The following LHPP variants were observed in gnomAD, a reference collection of about 807,000 sequenced individuals.
LHPP encodes phospholysine phosphohistidine inorganic pyrophosphate phosphatase, also known as hLHPP.
A neutral mutation model predicts 30.3 loss-of-function variants in LHPP; 24 were observed. That is an observed-to-expected ratio of 0.79 (90% confidence interval 0.57 to 1.11). LHPP has a LOEUF of 1.11. Among genes scored for constraint, LHPP ranks in the 50% most tolerant of loss-of-function variants. LHPP has a pLI of 0.00. For synonymous variants in LHPP, 150 were observed against 157.1 expected, an observed-to-expected ratio of 0.95 and a Z score of 0.34; for missense variants, 356 against 367.2, an observed-to-expected ratio of 0.97 and a Z score of 0.25.
intron 5 of LHPP, among the ~76,000 whole-genome samples, chr10:124,499,745 G>A (rs907878206): frequency 6.6e-6 from 1 of 151,956 alleles, no homozygotes; most frequent in African/African-American, 2.4e-5. Context: ...TGGGTTGGGG[G>A]TCCCTCAGGT....
intron 1 of LHPP, among the ~76,000 whole-genome samples, chr10:124,481,360 G>A (rs894241927): frequency 1.4e-5 from 2 of 145,364 alleles, no homozygotes; most frequent in Non-Finnish European, 3.0e-5. Flanking sequence ...ATCGTGCCTG[G>A]CTTATCTGCC....
At chr10:124,562,073 GAGGTC>G (rs1948404779) in intron 6 of LHPP, among the ~76,000 whole-genome samples, 1 of 152,204 alleles carries the variant, frequency 6.6e-6, no homozygotes, top group Admixed American at 6.5e-5. Flanking sequence ...TTGGGAGGCT[GAGGTC>G]GGTGGATCAC....
In LHPP at chr10:124,530,400, G is replaced by C. The variant is rs1320418196; in HGVS notation, c.716+13129G>C. On this transcript the variant is annotated intron_variant, in intron 6 of 6. Transcript: ENST00000368842. Reference sequence around the variant, plus strand: ...TACATACACTCACCCGGGCCCACGTGTGCTCACGAGGGGCCCCCATACCCA... The same window carrying C: ...TACATACACTCACCCGGGCCCACGTCTGCTCACGAGGGGCCCCCATACCCA... Among the ~76,000 whole-genome samples the C allele has an allele frequency of 2.0e-5, 3 of 152,098 alleles. 1 individual carries two copies. The highest frequency in any genetic ancestry group is 7.2e-5 in the African/African-American group (3 of 41,400).
chr10:124,509,636 C>T (rs141429991), intron 5 of LHPP, among the ~76,000 whole-genome samples: 6 of 151,608 alleles, frequency 4.0e-5, no homozygotes, highest in African/African-American at 1.2e-4. Context: ...ACCACAGTGG[C>T]AATTACTCAG....
At chr10:124,608,274 C>G (rs943104259) in intron 6 of LHPP, among the ~76,000 whole-genome samples, 6 of 152,218 alleles carry the variant, frequency 3.9e-5, no homozygotes, top group Non-Finnish European at 7.4e-5. Context: ...GTCTGCCTGT[C>G]TGCCCCCCAC....
chr10:124,533,790 C>G (rs1182105391), intron 6 of LHPP, among the ~76,000 whole-genome samples: 5 of 152,238 alleles, frequency 3.3e-5, no homozygotes, highest in Non-Finnish European at 5.9e-5. Flanking sequence ...GACCATGTGG[C>G]CTGAAGGGTC....
At chr10:124,536,992 A>G (rs1260333497) in intron 6 of LHPP, among the ~76,000 whole-genome samples, 1 of 152,222 alleles carries the variant, frequency 6.6e-6, no homozygotes, top group African/African-American at 2.4e-5. Context: ...TGTAATATAT[A>G]AATAATAAAA....
intron 3 of LHPP, chr10:124,489,899 T>C: frequency 5.2e-6 from 1 of 191,794 alleles, no homozygotes; most frequent in South Asian, 8.1e-5. Flanking sequence ...ATTCCCAGCC[T>C]CAGCTTTCTC....
At chr10:124,513,804 G>A (rs945630108) in intron 5 of LHPP, among the ~76,000 whole-genome samples, 2 of 145,484 alleles carry the variant, frequency 1.4e-5, no homozygotes, top group Non-Finnish European at 3.0e-5. Context: ...AAAAAAAAAA[G>A]AGCATGAGTC....
chr10:124,539,045 G>A (rs1009913854), intron 6 of LHPP, among the ~76,000 whole-genome samples: 1 of 152,208 alleles, frequency 6.6e-6, no homozygotes, highest in African/African-American at 2.4e-5. Flanking sequence ...GCTTCTTCTA[G>A]CAGAGAGTGG....
intron 6 of LHPP, chr10:124,526,134 C>G: frequency 1.0e-6 from 1 of 974,412 alleles, no homozygotes; most frequent in African/African-American, 1.7e-5. Context: ...TCAGCAGGGC[C>G]CTCTCTTCTC....
rs142666958 is a variant in LHPP at position 124,498,057 on chromosome 10, G to A, written c.553G>A (p.Glu185Lys). 4.2e-5 allele frequency: 68 copies of A among 1,613,986 alleles called. No homozygotes were observed. Among genetic ancestry groups the A allele is most frequent in the Non-Finnish European group, 5.0e-5 (59 of 1,179,986 alleles). ...ALEYACGIKA[E>K]VVGKPSPEFF... Reference sequence around the variant, plus strand: ...CCAGTATGCCTGTGGCATCAAAGCCGAGGTGGTGGGGAAGCCTTCTCCTGA... The same window carrying A: ...CCAGTATGCCTGTGGCATCAAAGCCAAGGTGGTGGGGAAGCCTTCTCCTGA... The change falls in exon 5 of 7, where the codon GAG becomes AAG. Residue 185 changes from glutamate (E) to lysine (K), a missense_variant. By Grantham distance (56) the Glu-to-Lys change is moderately conservative. Transcript: ENST00000368842.
At chr10:124,546,992 C>T (rs938889348) in intron 6 of LHPP, among the ~76,000 whole-genome samples, 9 of 151,650 alleles carry the variant, frequency 5.9e-5, no homozygotes, top group Non-Finnish European at 1.2e-4. Context: ...CCAGATTTAG[C>T]TCTGTTAACC....
At chr10:124,504,628 G>A (rs1023534697) in intron 5 of LHPP, among the ~76,000 whole-genome samples, 1 of 151,242 alleles carries the variant, frequency 6.6e-6, no homozygotes, top group African/African-American at 2.4e-5. Flanking sequence ...AAGCAAGAAG[G>A]AAGGAAGGAA....
Position 124,613,318 on chromosome 10 carries a change from C to G in LHPP, c.771C>G (p.Leu257=). Residue 257 remains leucine (L), a synonymous_variant, in exon 7 of 7, where the codon CTC becomes CTG. Coordinates refer to ENST00000368842, the MANE Select transcript of LHPP (RefSeq NM_022126.4). The stretch of plus-strand genomic sequence containing the variant: ...AGGCTGATGGGTACGTGGACAACCT[C>G]GCAGAGGCAGTGGACCTGCTGCTGC... The part of the protein sequence containing the change: ...EVKADGYVDN[L]AEAVDLLLQH... 6.2e-7 allele frequency: 1 copy of G among 1,613,466 alleles called. No homozygotes were observed. The highest frequency in any genetic ancestry group is 1.6e-4 in the Middle Eastern group (1 of 6,062).
chr10:124,550,110 C>G (rs964595932), intron 6 of LHPP, among the ~76,000 whole-genome samples: 5 of 152,240 alleles, frequency 3.3e-5, no homozygotes, highest in Non-Finnish European at 7.3e-5. Flanking sequence ...CTCCTCGTTG[C>G]AAATGGACTT....
intron 6 of LHPP, among the ~76,000 whole-genome samples, chr10:124,549,470 TA>T (rs1392162763): frequency 6.6e-6 from 1 of 152,206 alleles, no homozygotes; most frequent in Non-Finnish European, 1.5e-5. Context: ...CAATGAATTT[TA>T]TCAGCTAAAC....
At chr10:124,531,315 A>G (rs1013111466) in intron 6 of LHPP, among the ~76,000 whole-genome samples, 1 of 152,158 alleles carries the variant, frequency 6.6e-6, no homozygotes, top group African/African-American at 2.4e-5. Context: ...GTTGTACCCA[A>G]AACACAGTCT....
intron 1 of LHPP, among the ~76,000 whole-genome samples, chr10:124,472,102 A>G (rs1413819232): frequency 6.6e-6 from 1 of 151,464 alleles, no homozygotes; most frequent in Admixed American, 6.6e-5. Context: ...ACATAAGGTC[A>G]GGAGTTTGAG....
Sources: gnomAD v4.1 joint callset for allele counts (sites outside exome capture counted in the v4.1 genomes callset) on GRCh38, gnomAD v4.1.1 for gene constraint, MANE v1.5 for transcripts, NCBI Gene and HGNC (gene_info 2026-07-23, HGNC 2026-07-21) for gene names.